BACH1: variants seen among roughly 807,000 people sequenced by gnomAD.
The protein encoded by BACH1 is BTB domain and CNC homolog 1, also known as transcription regulator protein BACH1.
A neutral mutation model predicts 52.9 loss-of-function variants in BACH1; 35 were observed. The observed-to-expected ratio is 0.66, with a 90% CI of 0.51 to 0.88. The LOEUF is 0.88. Ranked by LOEUF, BACH1 falls within the 40% of genes least tolerant of loss-of-function variation. BACH1 has a pLI of 0.00. For missense variants in BACH1, 808 were observed against 872.6 expected, an observed-to-expected ratio of 0.93 and a Z score of 0.93; for synonymous variants, 321 against 319.6, an observed-to-expected ratio of 1.00 and a Z score of -0.05.
rs1443282163 is a variant in BACH1 at position 29,306,205 on chromosome 21, TG to T, written c.-61+7253del. Among the ~76,000 whole-genome samples, 3 of 151,644 alleles carry T rather than the reference TG, an allele frequency of 2.0e-5. No individual in the cohort carries two copies. In the East Asian group the frequency reaches 5.8e-4, roughly 29 times the overall value. On this transcript the variant is annotated intron_variant, in intron 1 of 4. Transcript: ENST00000286800. ...GTGTGTGTGTGTGTGTGTGTGTGTG[TG>T]TGTGTATTTAAAAATCCAGTCAATG...
chr21:29,301,627 A>G (rs905617386), intron 1 of BACH1, among the ~76,000 whole-genome samples: 21 of 152,242 alleles, frequency 1.4e-4, no homozygotes, highest in African/African-American at 4.8e-4. Flanking sequence ...ATTTGGAGAC[A>G]AGCCCAGCGG....
chr21:29,350,009 GAGA>G (rs1427027622), downstream of BACH1, among the ~76,000 whole-genome samples: 2 of 152,022 alleles, frequency 1.3e-5, no homozygotes, highest in Non-Finnish European at 2.9e-5. Flanking sequence ...AAGGCCTAAG[GAGA>G]CCAGTTAGGG....
Position 29,321,323 on chromosome 21 carries a change from G to A in BACH1, c.43G>A (p.Val15Met). ...ENSVFAYESS[V>M]HSTNVLLSLN... ...CTCGGTTTTTGCCTATGAATCTTCT[G>A]TGCATAGCACCAATGTTTTACTCAG... Residue 15 changes from valine to methionine, a missense_variant, in exon 2 of 5, where the codon GTG (valine) becomes ATG (methionine). Val to Met is a conservative substitution (Grantham distance 21). Coordinates refer to ENST00000286800, the MANE Select transcript of BACH1 (RefSeq NM_001186.4). The A allele has an allele frequency of 6.2e-7, 1 of 1,614,186 alleles. No homozygotes were observed. The highest frequency in any genetic ancestry group is 1.1e-5 in the South Asian group (1 of 91,088).
At chr21:29,325,179 G>A (rs1370631938) in intron 2 of BACH1, among the ~76,000 whole-genome samples, 3 of 152,026 alleles carry the variant, frequency 2.0e-5, no homozygotes, top group Non-Finnish European at 4.4e-5. Flanking sequence ...GCAGTGAGCC[G>A]AGATCGCGCC....
downstream of BACH1, among the ~76,000 whole-genome samples, chr21:29,346,940 TGA>T (rs2089172645): frequency 1.3e-5 from 2 of 152,020 alleles, no homozygotes; most frequent in Admixed American, 1.3e-4. Flanking sequence ...GTTGTCACAG[TGA>T]GAGGGAGAAG....
chr21:29,313,039 T>C (rs2088744235), intron 1 of BACH1, among the ~76,000 whole-genome samples: 1 of 152,138 alleles, frequency 6.6e-6, no homozygotes, highest in Admixed American at 6.5e-5. Flanking sequence ...CCACCATACA[T>C]ATCAGGATAG....
chr21:29,313,820 A>G (rs1420796404), intron 1 of BACH1, among the ~76,000 whole-genome samples: 3 of 152,208 alleles, frequency 2.0e-5, no homozygotes, highest in Non-Finnish European at 4.4e-5. Context: ...GGAAGGGTAC[A>G]TGTCAATGCC....
At chr21:29,357,948 C>T (rs1416783840) in intron 2 of BACH1, among the ~76,000 whole-genome samples, 1 of 152,176 alleles carries the variant, frequency 6.6e-6, no homozygotes, top group Non-Finnish European at 1.5e-5. Flanking sequence ...GTGGAGTCAG[C>T]GTGATCCGCT....
chr21:29,329,153 C>T (rs890995018), intron 3 of BACH1, among the ~76,000 whole-genome samples: 1 of 152,080 alleles, frequency 6.6e-6, no homozygotes, highest in Non-Finnish European at 1.5e-5. Flanking sequence ...ACAAAAAATA[C>T]AAAAATTAGC....
chr21:29,355,212 G>A (rs976849798), intron 2 of BACH1, among the ~76,000 whole-genome samples: 3 of 152,160 alleles, frequency 2.0e-5, no homozygotes, highest in Admixed American at 6.5e-5. Flanking sequence ...GCTGATTGGT[G>A]CGTTTACAAA....
At chr21:29,312,594 G>A (rs1185627333) in intron 1 of BACH1, among the ~76,000 whole-genome samples, 2 of 152,038 alleles carry the variant, frequency 1.3e-5, no homozygotes, top group Non-Finnish European at 2.9e-5. Context: ...TATTTAAAAC[G>A]ATAATTTTGT....
intron 4 of BACH1, among the ~76,000 whole-genome samples, chr21:29,338,246 C>T (rs948782730): frequency 2.0e-5 from 3 of 152,158 alleles, no homozygotes; most frequent in Admixed American, 6.5e-5. Flanking sequence ...ACAAATTGAG[C>T]AGAATTTGAG....
At chr21:29,350,814 G>T (rs751696781), downstream of BACH1, among the ~76,000 whole-genome samples, 4 of 152,148 alleles carry the variant, frequency 2.6e-5, no homozygotes, top group Non-Finnish European at 5.9e-5. Flanking sequence ...AAGGAATTAC[G>T]TGGAGGCAGA....
intron 4 of BACH1, among the ~76,000 whole-genome samples, chr21:29,336,106 C>T (rs970404000): frequency 5.9e-5 from 9 of 151,936 alleles, no homozygotes; most frequent in African/African-American, 1.9e-4. Context: ...ATACAGTCAT[C>T]GTATAATGCA....
intron 4 of BACH1, 126 bp downstream of exon 4, chr21:29,329,819 A>G (rs1295223807): frequency 1.4e-6 from 1 of 690,266 alleles, no homozygotes. Flanking sequence ...ATCAATTACC[A>G]TTTTATCATT....
intron 2 of BACH1, chr21:29,351,877 G>T (rs1043048080): frequency 4.8e-6 from 2 of 413,258 alleles, no homozygotes; most frequent in Non-Finnish European, 9.9e-6. Flanking sequence ...GGGCCTGGGA[G>T]AGCAGACAGC....
Position 29,342,558 on chromosome 21 carries a change from T to C in BACH1, c.1936T>C (p.Cys646Arg). Residue 646 changes from cysteine to arginine, a missense_variant, in exon 5 of 5, where the codon TGC (cysteine) becomes CGC (arginine). Transcript: ENST00000286800. ...ACTCGCCAAGTACTCAGCTGCAGAT[T>C]GCCCACTTTCATTTTTAATTTCTGA... is the stretch of plus-strand genomic sequence containing the variant. ...QILAKYSAAD[C>R]PLSFLISEKD... 6.2e-7 allele frequency: 1 copy of C among 1,614,232 alleles called. No individual in the cohort carries two copies. The highest frequency in any genetic ancestry group is 8.5e-7 in the Non-Finnish European group (1 of 1,180,052).
chr21:29,336,673 AT>A (rs371810290), intron 4 of BACH1, among the ~76,000 whole-genome samples: 10 of 149,334 alleles, frequency 6.7e-5, no homozygotes, highest in African/African-American at 1.7e-4. Context: ...TTATTTTTTT[AT>A]TTTTTTTTGA....
chr21:29,327,503 G>T, intron 3 of BACH1, 110 bp downstream of exon 3: 1 of 1,405,578 alleles, frequency 7.1e-7, no homozygotes, highest in East Asian at 2.4e-5. Flanking sequence ...CAGGGAGTGG[G>T]GAGGAAACTC....
Sources: gnomAD v4.1 joint callset for allele counts (sites outside exome capture counted in the v4.1 genomes callset) on GRCh38, gnomAD v4.1.1 for gene constraint, MANE v1.5 for transcripts, NCBI Gene and HGNC (gene_info 2026-07-23, HGNC 2026-07-21) for gene names.